NTRK1: variants seen among roughly 807,000 people sequenced by gnomAD.
The protein encoded by NTRK1 is neurotrophic receptor tyrosine kinase 1.
NTRK1 carries 62 observed loss-of-function variants against 86.8 expected under a neutral mutation model. That is an observed-to-expected ratio of 0.71 (90% CI 0.58 to 0.88). NTRK1 has a LOEUF of 0.88. Ranked by LOEUF, NTRK1 falls within the 40% of genes least tolerant of loss-of-function variation. NTRK1 has a pLI of 0.00. For synonymous variants in NTRK1, 469 were observed against 456.6 expected (o/e 1.03, Z -0.35); for missense variants, 967 against 1,078.4 (o/e 0.90, Z 1.45).
upstream of NTRK1, chr1:156,860,747 G>C (rs566321571): frequency 1.2e-5 from 13 of 1,124,070 alleles, no homozygotes; most frequent in South Asian, 2.3e-4. Context: ...CAGAGGGGGG[G>C]GCGTCAGAGA....
chr1:156,878,973 TG>T, intron 14 of NTRK1, 148 bp from the exon 15 acceptor site: 2 of 904,856 alleles, frequency 2.2e-6, no homozygotes, highest in Non-Finnish European at 3.3e-6. Flanking sequence ...CCCACCCCTC[TG>T]GACAGCTGCC....
At chr1:156,818,887 A>G (rs1171352595) in intron 1 of NTRK1, among the ~76,000 whole-genome samples, 1 of 152,298 alleles carries the variant, frequency 6.6e-6, no homozygotes, top group East Asian at 1.9e-4. Context: ...TGTTTTTTTA[A>G]GGAATCTCCA....
At position 156,842,085 on chromosome 1, in the gene NTRK1, C is replaced by T. The variant is rs770719969; in HGVS notation, c.-59C>T. On this transcript the variant is annotated 5_prime_UTR_variant, in exon 2 of 17. Coordinates refer to the NTRK1 transcript ENST00000392302. ...GGGAGTCTCTCTACTTTTCAGGCCG[C>T]CCTCATCTGCCTGGCACCCTCTGTA... is the stretch of plus-strand genomic sequence containing the variant. The T allele has an allele frequency of 2.5e-6, 4 of 1,613,480 alleles. No homozygotes were observed. The South Asian group carries it at 3.3e-5, about 13-fold the overall frequency.
rs1412119898 is a variant in NTRK1, at chr1:156,854,008, T to C, written c.51-10346T>C. On this transcript the variant is annotated intron_variant, in intron 2 of 16. Transcript: ENST00000392302. The surrounding 1 kb of genome is among the most constrained non-coding windows in gnomAD (Gnocchi z 4.2). ...GCAGCACGGCCCCAAGTGCAGGCAG[T>C]GCCACGTCACGCAGATGTGGCATCT... is the stretch of plus-strand genomic sequence containing the variant. The C allele has an allele frequency of 6.2e-7, 1 of 1,613,768 alleles. No individual in the cohort carries two copies. Among genetic ancestry groups the C allele is most frequent in the African/African-American group, 1.3e-5 (1 of 74,934 alleles).
intron 1 of NTRK1, among the ~76,000 whole-genome samples, chr1:156,834,111 G>T (rs935368818): frequency 6.6e-6 from 1 of 152,072 alleles, no homozygotes; most frequent in Non-Finnish European, 1.5e-5. Flanking sequence ...CTAAGGGGAC[G>T]CCTAACACTC....
At chr1:156,848,892 C>T (rs1337834241) in intron 2 of NTRK1, 1 of 1,549,056 alleles carries the variant, frequency 6.5e-7, no homozygotes, top group Non-Finnish European at 8.7e-7. Flanking sequence ...CGGTCCCGCC[C>T]CCGCTCCGGC....
chr1:156,878,227 C>G (rs1648039215), intron 14 of NTRK1, among the ~76,000 whole-genome samples: 1 of 152,180 alleles, frequency 6.6e-6, no homozygotes, highest in Non-Finnish European at 1.5e-5. Flanking sequence ...GGGCCTCCCT[C>G]CCTCCATAGA....
At chr1:156,864,660 G>C in intron 2 of NTRK1, 68 bp from the exon 3 acceptor site, 1 of 1,541,538 alleles carries the variant, frequency 6.5e-7, no homozygotes, top group Admixed American at 1.7e-5. Flanking sequence ...AGGCTGGGAT[G>C]GGCAGGGAGG....
At chr1:156,845,200 T>C (rs777638206) in intron 2 of NTRK1, 2 of 1,609,636 alleles carry the variant, frequency 1.2e-6, no homozygotes, top group Admixed American at 1.7e-5. Context: ...TCAGCACCGC[T>C]CGCTCACGGG....
At chr1:156,840,427 G>GGCCCCCC in intron 1 of NTRK1, 1 of 163,136 alleles carries the variant, frequency 6.1e-6, no homozygotes, top group Non-Finnish European at 1.3e-5. Context: ...CAGTCATGTG[G>GGCCCCCC]AGCCCCACCC....
At chr1:156,874,222 A>G (rs2102907971) in intron 8 of NTRK1, 161 bp from the exon 9 acceptor site, 2 of 1,129,692 alleles carry the variant, frequency 1.8e-6, no homozygotes, top group Non-Finnish European at 2.7e-6. Context: ...GAAAAGGGTC[A>G]CATGCATCTT....
intron 2 of NTRK1, chr1:156,842,508 C>T (rs770726959): frequency 2.4e-5 from 39 of 1,613,162 alleles, no homozygotes; most frequent in Non-Finnish European, 3.1e-5. Context: ...AGGAGACGCA[C>T]CTGGGACAGA....
chr1:156,861,251 G>A (rs1655638146), intron 1 of NTRK1, 105 bp downstream of exon 1: 2 of 1,336,690 alleles, frequency 1.5e-6, no homozygotes, highest in African/African-American at 1.5e-5. Flanking sequence ...GGACGAGCAC[G>A]GCGGAAGGCT....
intron 4 of NTRK1, among the ~76,000 whole-genome samples, chr1:156,867,240 G>A (rs1432472097): frequency 6.6e-6 from 1 of 152,240 alleles, no homozygotes; most frequent in African/African-American, 2.4e-5. Context: ...CCCACTGTGT[G>A]TCCAAGGCAC....
chr1:156,862,572 G>C (rs924564097), intron 1 of NTRK1, among the ~76,000 whole-genome samples: 1 of 152,132 alleles, frequency 6.6e-6, no homozygotes, highest in Non-Finnish European at 1.5e-5. Flanking sequence ...CCCCTGGGTG[G>C]GGCTGCAGCC....
chr1:156,868,616 T>G lies in NTRK1; in HGVS notation c.686T>G (p.Leu229Arg). Residue 229 changes from leucine to arginine, a missense_variant, in exon 6 of 17, where the codon CTC becomes CGC. Transcript: ENST00000524377. Reference protein sequence around the residue: ...GRGLEQAGWILTELEQSATVM... With the variant: ...GRGLEQAGWIRTELEQSATVM... ...GGCCTGGAGCAGGCCGGCTGGATCC[T>G]CACAGAGCTGGAGCAGTCAGCCACG... The G allele has an allele frequency of 6.4e-7, 1 of 1,550,990 alleles. No homozygotes were observed. Among genetic ancestry groups the G allele is most frequent in the Non-Finnish European group, 8.7e-7 (1 of 1,147,018 alleles).
chr1:156,844,352 C>G (rs1654908798), intron 2 of NTRK1: 1 of 1,559,930 alleles, frequency 6.4e-7, no homozygotes, highest in African/African-American at 1.4e-5. Context: ...GCTTCTCTTT[C>G]CATGCTGGGA....
At chr1:156,815,791 G>A (rs1404569251) in exon 1 of NTRK1, 9 of 1,613,578 alleles carry the variant, frequency 5.6e-6, no homozygotes, top group Non-Finnish European at 6.8e-6. Flanking sequence ...CTTCCAGAGG[G>A]CCTAGGAGCA....
At chr1:156,848,802 G>C in intron 2 of NTRK1, 1 of 1,245,792 alleles carries the variant, frequency 8.0e-7, no homozygotes, top group Non-Finnish European at 1.1e-6. Flanking sequence ...ACAACTTGCG[G>C]GTCCTGGCTT....
Sources: gnomAD v4.1 joint callset for allele counts (sites outside exome capture counted in the v4.1 genomes callset) on GRCh38, gnomAD v4.1.1 for gene constraint, Gnocchi (gnomAD v3.1) non-coding constraint, MANE v1.5 for transcripts, NCBI Gene and HGNC (gene_info 2026-07-23, HGNC 2026-07-21) for gene names.